MYT1L: variants seen among roughly 807,000 people sequenced by gnomAD.
MYT1L encodes the protein myelin transcription factor 1-like protein.
Under a neutral mutation model 126.7 loss-of-function variants are expected in MYT1L, and 12 were observed. The ratio of observed to expected loss-of-function variants is 0.09; its 90% CI spans 0.06 to 0.15. The LOEUF (loss-of-function observed/expected upper bound fraction) is 0.15, where lower values mean the gene tolerates loss of function less well. Among genes scored for constraint, MYT1L ranks in the 10% least tolerant of loss-of-function variants. MYT1L has a pLI of 1.00. For synonymous variants in MYT1L, 541 were observed against 604.2 expected, an observed-to-expected ratio of 0.90 and a Z score of 1.53; for missense variants, 979 against 1,585.2, an observed-to-expected ratio of 0.62 and a Z score of 6.49.
At chr2:2,219,908 C>T (rs1422731124) in intron 2 of MYT1L, among the ~76,000 whole-genome samples, 2 of 152,074 alleles carry the variant, frequency 1.3e-5, no homozygotes, top group Non-Finnish European at 2.9e-5. Context: ...TGTTCAAGTG[C>T]TATTTCTTTA....
intron 3 of MYT1L, among the ~76,000 whole-genome samples, chr2:2,150,979 AGGCT>A (rs1209102687): frequency 6.6e-6 from 1 of 152,140 alleles, no homozygotes; most frequent in Non-Finnish European, 1.5e-5. Flanking sequence ...ACAAATTTCA[AGGCT>A]GGCTCTGAGG....
intron 8 of MYT1L, among the ~76,000 whole-genome samples, chr2:1,952,983 CTCTT>C (rs1165322304): frequency 5.5e-4 from 60 of 109,722 alleles, no homozygotes; most frequent in South Asian, 1.9e-3. Flanking sequence ...TCCTTCCTTT[CTCTT>C]TCTTTCTTTT....
At chr2:1,996,267 T>C (rs1255693775) in intron 5 of MYT1L, among the ~76,000 whole-genome samples, 4 of 151,692 alleles carry the variant, frequency 2.6e-5, no homozygotes, top group African/African-American at 9.7e-5. Context: ...TGCCTCAGTG[T>C]GGACTGTACA....
chr2:2,236,003 T>A (rs1247383085), intron 2 of MYT1L, among the ~76,000 whole-genome samples: 2 of 152,178 alleles, frequency 1.3e-5, no homozygotes, highest in Non-Finnish European at 2.9e-5. Context: ...ACCCTTCATA[T>A]TCCCAAAGGA....
intron 9 of MYT1L, 100 bp from the exon 10 acceptor site, chr2:1,923,363 G>C (rs2053817844): frequency 1.0e-6 from 1 of 967,568 alleles, no homozygotes; most frequent in African/African-American, 1.6e-5. Context: ...TTAACTGCAA[G>C]TCAAACCGTC....
intron 3 of MYT1L, among the ~76,000 whole-genome samples, chr2:2,153,449 C>A (rs2086160670): frequency 6.6e-6 from 1 of 152,118 alleles, no homozygotes; most frequent in Non-Finnish European, 1.5e-5. Context: ...CCTCTGCACA[C>A]ACACAGGTGG....
At chr2:2,072,287 T>A (rs2150240931) in intron 3 of MYT1L, among the ~76,000 whole-genome samples, 1 of 152,350 alleles carries the variant, frequency 6.6e-6, no homozygotes, top group South Asian at 2.1e-4. Context: ...GGATTTTGCC[T>A]ACCACCTATG....
chr2:1,983,557 G>A (rs985884220), intron 5 of MYT1L, among the ~76,000 whole-genome samples: 6 of 152,258 alleles, frequency 3.9e-5, no homozygotes, highest in East Asian at 1.9e-4. Context: ...GGCCCTTGCC[G>A]GCACTCTCAC....
At chr2:2,246,467 C>G (rs533703769) in intron 2 of MYT1L, among the ~76,000 whole-genome samples, 2 of 152,220 alleles carry the variant, frequency 1.3e-5, no homozygotes, top group East Asian at 3.9e-4. Flanking sequence ...CTGAATAGAC[C>G]TTTTATAAAC....
chr2:2,131,181 A>G (rs1575385031), intron 3 of MYT1L, among the ~76,000 whole-genome samples: 1 of 152,196 alleles, frequency 6.6e-6, no homozygotes, highest in Admixed American at 6.5e-5. Context: ...GGAGCCCACC[A>G]GGTACACAGA....
intron 2 of MYT1L, among the ~76,000 whole-genome samples, chr2:2,235,577 C>T (rs1490434460): frequency 6.6e-6 from 1 of 152,192 alleles, no homozygotes; most frequent in Non-Finnish European, 1.5e-5. Context: ...GTGTTTCCCA[C>T]AGAGGTTGTA....
In MYT1L at chr2:2,052,807, T is replaced by C. The variant is rs59498750; in HGVS notation, c.-158+1171A>G. Among the ~76,000 whole-genome samples, 1,110 of 152,210 alleles carry C rather than the reference T, an allele frequency of 7.3e-3. 15 individuals are homozygous for C. The highest frequency in any genetic ancestry group is 0.022 in the African/African-American group (904 of 41,540). On this transcript the variant is annotated intron_variant, in intron 4 of 24. Transcript: ENST00000647738. ...AAGTGTTGGCCTGGATATGGAGAAA[T>C]TGGAATCCTTGTGAACTGTGGCGAT... is the stretch of plus-strand genomic sequence containing the variant.
intron 21 of MYT1L, chr2:1,825,842 G>A (rs2039238437): frequency 6.6e-6 from 1 of 152,278 alleles, no homozygotes; most frequent in South Asian, 2.1e-4. Context: ...AAGTCTCCCC[G>A]TGTGCACCTG....
At position 1,835,276 on chromosome 2, in the gene MYT1L, G is replaced by A. The variant is rs117508757; in HGVS notation, c.3080+3873C>T. Among the ~76,000 whole-genome samples the A allele has an allele frequency of 8.5e-5, 13 of 152,320 alleles. No homozygotes were observed. The East Asian group carries it at 2.5e-3, about 29-fold the overall frequency. On this transcript the variant is annotated intron_variant, in intron 21 of 24. Coordinates refer to ENST00000647738, the MANE Select transcript of MYT1L (RefSeq NM_001303052.2). ...TAGCTTAGCCTAGCCCACCTTCAAT[G>A]CACTCAGAACACTTACATCAGCCTA...
chr2:2,185,269 T>C (rs1378053567), intron 2 of MYT1L, among the ~76,000 whole-genome samples: 1 of 152,254 alleles, frequency 6.6e-6, no homozygotes, highest in Admixed American at 6.5e-5. Context: ...ACAAAGCTTA[T>C]ATAACATATT....
In MYT1L at chr2:1,903,066, T is replaced by C; in HGVS notation, c.2032+14A>G. On this transcript the variant is annotated intron_variant, in intron 14 of 24. Coordinates refer to ENST00000647738, the MANE Select transcript of MYT1L (RefSeq NM_001303052.2). Reference sequence around the variant, plus strand: ...GCAACGTGTCTCTCATGTATAAGAGTGTGCACCTCCTACCATCATCATATC... The same window carrying C: ...GCAACGTGTCTCTCATGTATAAGAGCGTGCACCTCCTACCATCATCATATC... 6.2e-7 allele frequency: 1 copy of C among 1,604,892 alleles called. No individual in the cohort carries two copies. Among genetic ancestry groups the C allele is most frequent in the Non-Finnish European group, 8.5e-7 (1 of 1,171,660 alleles).
intron 4 of MYT1L, among the ~76,000 whole-genome samples, chr2:2,006,325 T>C (rs1574459339): frequency 6.6e-6 from 1 of 152,110 alleles, no homozygotes; most frequent in Non-Finnish European, 1.5e-5. Context: ...ATGCTTACTA[T>C]AGTGAAACAA....
intron 9 of MYT1L, among the ~76,000 whole-genome samples, chr2:1,928,823 G>C (rs1315668572): frequency 6.6e-6 from 1 of 152,106 alleles, no homozygotes; most frequent in South Asian, 2.1e-4. Flanking sequence ...TTCTGATGTG[G>C]AAAGAAGATT....
intron 5 of MYT1L, among the ~76,000 whole-genome samples, chr2:1,982,422 C>T (rs866444604): frequency 1.5e-4 from 23 of 152,090 alleles, no homozygotes; most frequent in African/African-American, 4.6e-4. Flanking sequence ...AAACATTCTC[C>T]GGGGGTGTAG....
Sources: allele counts gnomAD v4.1 joint callset (sites outside exome capture counted in the v4.1 genomes callset), GRCh38; gene constraint gnomAD v4.1.1; transcripts MANE v1.5; gene names NCBI Gene and HGNC (gene_info 2026-07-23, HGNC 2026-07-21).